PTPRT: variants seen among roughly 807,000 people sequenced by gnomAD.
PTPRT encodes receptor-type tyrosine-protein phosphatase T.
PTPRT carries 56 observed loss-of-function variants against 176.8 expected under a neutral mutation model. The observed-to-expected ratio is 0.32, with a 90% CI of 0.26 to 0.40. The LOEUF (loss-of-function observed/expected upper bound fraction) is 0.40, where lower values mean the gene tolerates loss of function less well. Ranked by LOEUF, PTPRT falls within the 10% of genes least tolerant of loss-of-function variation. The pLI, the probability that PTPRT is intolerant of heterozygous loss-of-function variation, is 1.00. For synonymous variants in PTPRT, 783 were observed against 739.0 expected, an observed-to-expected ratio of 1.06 and a Z score of -0.96; for missense variants, 1,540 against 1,908.2, an observed-to-expected ratio of 0.81 and a Z score of 3.60.
chr20:42,549,993 C>T (rs2072739409), intron 7 of PTPRT, among the ~76,000 whole-genome samples: 1 of 152,114 alleles, frequency 6.6e-6, no homozygotes, highest in African/African-American at 2.4e-5. Context: ...TGGGCATGAA[C>T]TGTGAATGGC....
intron 2 of PTPRT, among the ~76,000 whole-genome samples, chr20:42,867,201 C>A (rs2078760629): frequency 6.6e-6 from 1 of 152,116 alleles, no homozygotes; most frequent in Non-Finnish European, 1.5e-5. Flanking sequence ...TTAGTTAATT[C>A]CCCACATAAG....
At chr20:42,871,418 T>A (rs959756346) in intron 2 of PTPRT, among the ~76,000 whole-genome samples, 1 of 152,206 alleles carries the variant, frequency 6.6e-6, no homozygotes, top group Non-Finnish European at 1.5e-5. Flanking sequence ...TTGTAAATAT[T>A]TTCTCCCATT....
chr20:42,404,972 T>TTTTA (rs960312629), intron 9 of PTPRT, among the ~76,000 whole-genome samples: 3 of 77,930 alleles, frequency 3.8e-5, no homozygotes, highest in Non-Finnish European at 8.1e-5. Context: ...GGCCAATTAA[T>TTTTA]TATATATATA....
chr20:42,142,376 C>A (rs1380092404), intron 17 of PTPRT, among the ~76,000 whole-genome samples: 1 of 152,048 alleles, frequency 6.6e-6, no homozygotes, highest in African/African-American at 2.4e-5. Flanking sequence ...CCTTGAGCTT[C>A]CAGTCAACTA....
chr20:42,233,184 G>A (rs2056171234), intron 15 of PTPRT, among the ~76,000 whole-genome samples: 1 of 152,074 alleles, frequency 6.6e-6, no homozygotes, highest in Non-Finnish European at 1.5e-5. Context: ...ACTCTCATCT[G>A]CAACCTCTCA....
At chr20:42,097,918 C>G (rs755357087) in intron 27 of PTPRT, among the ~76,000 whole-genome samples, 1 of 152,140 alleles carries the variant, frequency 6.6e-6, no homozygotes, top group Non-Finnish European at 1.5e-5. Flanking sequence ...GGAAGCCTGC[C>G]GGGGAACAAA....
At chr20:42,509,017 T>C (rs6102872) in intron 7 of PTPRT, among the ~76,000 whole-genome samples, 9,012 of 94,492 alleles carry the variant, frequency 0.095, 914 homozygotes, top group African/African-American at 0.32. Flanking sequence ...ATATAATTTA[T>C]ATTTAATTTA....
At chr20:43,094,391 CTTT>C (rs71335878) in intron 1 of PTPRT, among the ~76,000 whole-genome samples, 16 of 64,666 alleles carry the variant, frequency 2.5e-4, no homozygotes, top group South Asian at 5.6e-4. Flanking sequence ...CGGCCTCTTT[CTTT>C]TTTTTTTTTT....
intron 1 of PTPRT, among the ~76,000 whole-genome samples, chr20:42,928,053 T>TG (rs1979599797): frequency 6.6e-6 from 1 of 152,128 alleles, no homozygotes; most frequent in Non-Finnish European, 1.5e-5. Flanking sequence ...GAGTACAAAC[T>TG]GGGACGGGGT....
In PTPRT at chr20:42,783,319, A is replaced by G. The variant is rs967869311; in HGVS notation, c.487-3020T>C. Among the ~76,000 whole-genome samples the G allele has an allele frequency of 3.3e-4, 50 of 152,276 alleles. 1 individual carries two copies. Among genetic ancestry groups the G allele is most frequent in the Non-Finnish European group, 2.9e-5 (2 of 68,030 alleles). On this transcript the variant is annotated intron_variant, in intron 3 of 30. Coordinates refer to ENST00000373187, the MANE Select transcript of PTPRT (RefSeq NM_007050.6). The stretch of plus-strand genomic sequence containing the variant: ...GTTGAGAATAATATTTGTAATACCT[A>G]TGTCAGCTAATATGAAAATATCCTT...
chr20:42,300,782 T>A (rs922451168), intron 12 of PTPRT, among the ~76,000 whole-genome samples: 6 of 141,772 alleles, frequency 4.2e-5, no homozygotes, highest in South Asian at 4.2e-4. Context: ...TATTATTATT[T>A]ATTATTATTA....
chr20:42,217,553 A>G (rs1165769700), intron 15 of PTPRT, among the ~76,000 whole-genome samples: 1 of 152,298 alleles, frequency 6.6e-6, no homozygotes, highest in Non-Finnish European at 1.5e-5. Flanking sequence ...GAAAATATAC[A>G]TGTATCATGT....
intron 7 of PTPRT, among the ~76,000 whole-genome samples, chr20:42,504,678 T>C (rs1338983019): frequency 2.6e-5 from 4 of 152,180 alleles, no homozygotes; most frequent in African/African-American, 7.2e-5. Context: ...TTGGATTTTG[T>C]TTTCTAATCA....
chr20:42,326,896 A>C (rs542210797), intron 11 of PTPRT, among the ~76,000 whole-genome samples: 15 of 152,102 alleles, frequency 9.9e-5, no homozygotes, highest in South Asian at 6.2e-4. Flanking sequence ...GATGGCCATA[A>C]TTTGACAATT....
intron 6 of PTPRT, among the ~76,000 whole-genome samples, chr20:42,702,927 C>T (rs900453335): frequency 2.0e-5 from 3 of 152,202 alleles, no homozygotes; most frequent in Admixed American, 6.5e-5. Flanking sequence ...TAAGCACCTT[C>T]GCAAATTTCT....
At chr20:42,821,029 T>C (rs752209271) in intron 2 of PTPRT, among the ~76,000 whole-genome samples, 5 of 152,076 alleles carry the variant, frequency 3.3e-5, no homozygotes, top group African/African-American at 9.7e-5. Context: ...TTCCAAACAA[T>C]TGAAAAGGAG....
the PTPRT span, among the ~76,000 whole-genome samples, chr20:42,040,455 G>T: frequency 2.0e-5 from 3 of 152,158 alleles, no homozygotes; most frequent in African/African-American, 7.2e-5. Flanking sequence ...TATTGATCAT[G>T]ATAGAGAGAT....
At chr20:43,117,912 G>T (rs1042912071) in intron 1 of PTPRT, among the ~76,000 whole-genome samples, 13 of 152,098 alleles carry the variant, frequency 8.5e-5, no homozygotes, top group African/African-American at 3.1e-4. Flanking sequence ...TGTTCCTTTT[G>T]TAACTAGATA....
chr20:42,100,453 A>G lies in PTPRT; in HGVS notation c.3714+1671T>C, dbSNP rs1241225359. ...ATAAGGACGACTTTTTTTTGTTTTT[A>G]ATATCAGAAAGGCAAAGGCCCCAGT... On this transcript the variant is annotated intron_variant, in intron 26 of 30. Coordinates refer to ENST00000373187, the MANE Select transcript of PTPRT (RefSeq NM_007050.6). Among the ~76,000 whole-genome samples the G allele has an allele frequency of 5.9e-5, 9 of 152,166 alleles. No individual in the cohort carries two copies. The East Asian group carries it at 1.2e-3, about 20-fold the overall frequency.
Sources: allele counts gnomAD v4.1 joint callset (sites outside exome capture counted in the v4.1 genomes callset), GRCh38; gene constraint gnomAD v4.1.1; transcripts MANE v1.5; gene names NCBI Gene and HGNC (gene_info 2026-07-23, HGNC 2026-07-21).